ARSB: variants seen among roughly 807,000 people sequenced by gnomAD.
The protein encoded by ARSB is arylsulfatase B.
A neutral mutation model predicts 50.9 loss-of-function variants in ARSB; 41 were observed. That is an observed-to-expected ratio of 0.81 (90% CI 0.63 to 1.04). ARSB has a LOEUF of 1.04. Among genes scored for constraint, ARSB ranks in the 50% least tolerant of loss-of-function variants. ARSB has a pLI of 0.00. For missense variants in ARSB, 672 were observed against 693.3 expected, an observed-to-expected ratio of 0.97 and a Z score of 0.35; for synonymous variants, 269 against 284.8, an observed-to-expected ratio of 0.94 and a Z score of 0.56.
At chr5:78,984,667 G>A (rs1753065261) in intron 1 of ARSB, among the ~76,000 whole-genome samples, 1 of 152,114 alleles carries the variant, frequency 6.6e-6, no homozygotes, top group Non-Finnish European at 1.5e-5. Flanking sequence ...TTCGCCCGGA[G>A]CTTCAGAAAA....
At chr5:78,842,315 C>A (rs1745259430) in intron 5 of ARSB, among the ~76,000 whole-genome samples, 1 of 152,164 alleles carries the variant, frequency 6.6e-6, no homozygotes, top group South Asian at 2.1e-4. Context: ...ACTCTGCAAG[C>A]CTCATAATTT....
At chr5:78,817,753 G>A (rs761922645) in intron 6 of ARSB, among the ~76,000 whole-genome samples, 38 of 152,142 alleles carry the variant, frequency 2.5e-4, no homozygotes, top group African/African-American at 7.5e-4. Context: ...GGGTTGCAGC[G>A]AGCTGAGAGT....
At chr5:78,803,318 A>G (rs1184591872) in intron 6 of ARSB, among the ~76,000 whole-genome samples, 1 of 152,236 alleles carries the variant, frequency 6.6e-6, no homozygotes, top group East Asian at 1.9e-4. Context: ...ATACAATTAA[A>G]TTAGCCCGTC....
At chr5:78,970,021 G>A (rs752132841) in intron 1 of ARSB, among the ~76,000 whole-genome samples, 5 of 152,110 alleles carry the variant, frequency 3.3e-5, no homozygotes, top group Non-Finnish European at 5.9e-5. Context: ...TATAAAAAGC[G>A]GCCATCTGAC....
At chr5:78,835,412 C>T (rs939182443) in intron 6 of ARSB, among the ~76,000 whole-genome samples, 6 of 152,016 alleles carry the variant, frequency 3.9e-5, no homozygotes, top group African/African-American at 1.2e-4. Context: ...CTGGGAAGTG[C>T]GTAATGCCTA....
At chr5:78,979,739 C>T (rs1185384975) in intron 1 of ARSB, among the ~76,000 whole-genome samples, 2 of 152,184 alleles carry the variant, frequency 1.3e-5, no homozygotes, top group African/African-American at 2.4e-5. Context: ...AGACAAGGAC[C>T]TCATCGTTAG....
chr5:78,819,600 G>C (rs775370239), intron 6 of ARSB, among the ~76,000 whole-genome samples: 1 of 152,196 alleles, frequency 6.6e-6, no homozygotes, highest in South Asian at 2.1e-4. Flanking sequence ...CCCTGACTAG[G>C]TGATGCTTCC....
chr5:78,984,206 A>G (rs117791702), intron 1 of ARSB, among the ~76,000 whole-genome samples: 2 of 152,318 alleles, frequency 1.3e-5, no homozygotes, highest in East Asian at 1.9e-4. Flanking sequence ...CACTGTTTCA[A>G]TAATTCACTT....
At chr5:78,941,554 C>G (rs1750922896) in intron 4 of ARSB, among the ~76,000 whole-genome samples, 1 of 152,180 alleles carries the variant, frequency 6.6e-6, no homozygotes, top group Non-Finnish European at 1.5e-5. Flanking sequence ...TGGTTTTTGT[C>G]TTTGGTTCTC....
intron 4 of ARSB, among the ~76,000 whole-genome samples, chr5:78,891,417 A>G (rs1338437611): frequency 6.6e-6 from 1 of 152,234 alleles, no homozygotes; most frequent in Non-Finnish European, 1.5e-5. Context: ...GAGCATTTCA[A>G]GAAGCATCAG....
At chr5:78,812,871 G>A (rs1272867910) in intron 6 of ARSB, among the ~76,000 whole-genome samples, 1 of 152,068 alleles carries the variant, frequency 6.6e-6, no homozygotes, top group African/African-American at 2.4e-5. Flanking sequence ...TGTGCCTATA[G>A]TCTCAGTTAC....
chr5:78,954,557 T>C (rs946738156), intron 4 of ARSB, among the ~76,000 whole-genome samples: 3 of 152,134 alleles, frequency 2.0e-5, no homozygotes, highest in Non-Finnish European at 4.4e-5. Flanking sequence ...CAGACTGGAG[T>C]GCAGTGGCAC....
At chr5:78,878,857 C>CT (rs34688578) in intron 5 of ARSB, among the ~76,000 whole-genome samples, 16 of 150,132 alleles carry the variant, frequency 1.1e-4, no homozygotes, top group African/African-American at 2.7e-4. Flanking sequence ...CAGGAGATTG[C>CT]TTTTTTTTTT....
chr5:78,911,651 C>T (rs187378362), intron 4 of ARSB, among the ~76,000 whole-genome samples: 2 of 144,794 alleles, frequency 1.4e-5, no homozygotes, highest in Admixed American at 6.9e-5. Context: ...GGGGGCTTTC[C>T]GGGTGATTTC....
At chr5:78,891,860 T>TTTATGACCATCATCACTTTCCCC (rs1748308506) in intron 4 of ARSB, among the ~76,000 whole-genome samples, 1 of 152,040 alleles carries the variant, frequency 6.6e-6, no homozygotes, top group African/African-American at 2.4e-5. Flanking sequence ...GGTCTAGGTG[T>TTTATGACCATCATCACTTTCCCC]TTTATGACCA....
chr5:78,796,970 C>T (rs1255947268), intron 6 of ARSB, among the ~76,000 whole-genome samples: 2 of 146,670 alleles, frequency 1.4e-5, no homozygotes, highest in African/African-American at 2.5e-5. Context: ...CTCCGCCTCC[C>T]GGGTTCACGC....
chr5:78,843,844 A>C (rs1745333189), intron 5 of ARSB, among the ~76,000 whole-genome samples: 1 of 152,156 alleles, frequency 6.6e-6, no homozygotes, highest in African/African-American at 2.4e-5. Context: ...ACTTAGCATA[A>C]TGTTTTCAAG....
intron 5 of ARSB, among the ~76,000 whole-genome samples, chr5:78,856,351 G>A (rs1412379372): frequency 2.6e-5 from 4 of 152,160 alleles, no homozygotes; most frequent in Non-Finnish European, 4.4e-5. Context: ...TAGGTAAGAA[G>A]TCCATATATA....
At chr5:78,810,289 T>C (rs1743757704) in intron 6 of ARSB, among the ~76,000 whole-genome samples, 1 of 152,192 alleles carries the variant, frequency 6.6e-6, no homozygotes, top group Non-Finnish European at 1.5e-5. Context: ...AGCTCTCTGA[T>C]CTCATGACTT....
Sources: gnomAD v4.1 joint callset for allele counts (sites outside exome capture counted in the v4.1 genomes callset) on GRCh38, gnomAD v4.1.1 for gene constraint, MANE v1.5 for transcripts, NCBI Gene and HGNC (gene_info 2026-07-23, HGNC 2026-07-21) for gene names.